Variants in SCAMP1 observed in about 807,000 individuals in gnomAD.
SCAMP1 encodes secretory carrier membrane protein 1, also known as secretory carrier-associated membrane protein 1.
A neutral mutation model predicts 41.8 loss-of-function variants in SCAMP1; 15 were observed. The ratio of observed to expected loss-of-function variants is 0.36; its 90% CI spans 0.24 to 0.55. The LOEUF is 0.55. Ranked by LOEUF, SCAMP1 falls within the 20% of genes least tolerant of loss-of-function variation. SCAMP1 has a pLI of 0.86. For synonymous variants in SCAMP1, 135 were observed against 136.8 expected (o/e 0.99, Z 0.09); for missense variants, 341 against 412.6 (o/e 0.83, Z 1.50).
intron 2 of SCAMP1, among the ~76,000 whole-genome samples, chr5:78,402,209 T>C (rs546811365): frequency 6.6e-6 from 1 of 151,198 alleles, no homozygotes; most frequent in African/African-American, 2.5e-5. Context: ...TTTTTTTTTT[T>C]AATTTGTTAA....
chr5:78,469,907 A>C (rs1753835498), intron 8 of SCAMP1, among the ~76,000 whole-genome samples: 5 of 54,256 alleles, frequency 9.2e-5, no homozygotes, highest in Admixed American at 1.5e-4. Flanking sequence ...AAAAAAAAAA[A>C]AAAAACAAAA....
At chr5:78,416,148 C>T (rs1752203763) in intron 3 of SCAMP1, among the ~76,000 whole-genome samples, 1 of 152,116 alleles carries the variant, frequency 6.6e-6, no homozygotes, top group Non-Finnish European at 1.5e-5. Flanking sequence ...ATCATTTAAT[C>T]TGATTAATAG....
At chr5:78,369,111 T>C (rs1750876811) in intron 1 of SCAMP1, among the ~76,000 whole-genome samples, 1 of 150,834 alleles carries the variant, frequency 6.6e-6, no homozygotes, top group Non-Finnish European at 1.5e-5. Context: ...ACACACAATT[T>C]TTTTTTTTTT....
chr5:78,368,396 G>C (rs1750851141), intron 1 of SCAMP1, among the ~76,000 whole-genome samples: 1 of 152,180 alleles, frequency 6.6e-6, no homozygotes, highest in Non-Finnish European at 1.5e-5. Context: ...AAAGTAAACT[G>C]TTCTTGTGCT....
chr5:78,403,005 C>T (rs1217565671), intron 2 of SCAMP1, among the ~76,000 whole-genome samples: 2 of 151,808 alleles, frequency 1.3e-5, no homozygotes, highest in Non-Finnish European at 2.9e-5. Flanking sequence ...TGAGTAGCTG[C>T]GATTACAGGC....
chr5:78,431,596 T>G lies in SCAMP1; in HGVS notation c.632+9636T>G, dbSNP rs1752625530. ...AATGACTGTCTTCTCCCCTATTTCT[T>G]CATTATTTATATCTCTTAAAACTGT... On this transcript the variant is annotated intron_variant, in intron 6 of 8. Transcript: ENST00000621999. Among the ~76,000 whole-genome samples, 4 of 150,564 alleles carry G rather than the reference T, an allele frequency of 2.7e-5. No homozygotes were observed. In the Admixed American group the frequency reaches 2.7e-4, roughly 10 times the overall value.
At position 78,462,987 on chromosome 5, in the gene SCAMP1, A is replaced by C. The variant is rs191941458; in HGVS notation, c.852+3625A>C. Among the ~76,000 whole-genome samples the C allele has an allele frequency of 4.1e-5, 6 of 147,328 alleles. No individual in the cohort carries two copies. The East Asian group carries it at 1.2e-3, about 29-fold the overall frequency. On this transcript the variant is annotated intron_variant, in intron 8 of 8. Transcript: ENST00000621999. ...TCATTACTTGAGACTATGTATGAGGAATGCATAGAAATAATTTTACCTTAT... is the reference window on the plus strand; with the variant it reads ...TCATTACTTGAGACTATGTATGAGGCATGCATAGAAATAATTTTACCTTAT...
intron 1 of SCAMP1, among the ~76,000 whole-genome samples, chr5:78,380,382 A>G (rs1428831240): frequency 6.6e-6 from 1 of 152,172 alleles, no homozygotes; most frequent in Non-Finnish European, 1.5e-5. Context: ...TGCCCTCCAT[A>G]AAGGTTGTAA....
At chr5:78,461,290 A>G (rs1486689639) in intron 8 of SCAMP1, among the ~76,000 whole-genome samples, 4 of 152,180 alleles carry the variant, frequency 2.6e-5, no homozygotes, top group Non-Finnish European at 5.9e-5. Context: ...ATTTTCTTCT[A>G]GGATTTTTGT....
intron 7 of SCAMP1, among the ~76,000 whole-genome samples, chr5:78,450,976 A>C (rs1753210760): frequency 6.6e-6 from 1 of 152,194 alleles, no homozygotes; most frequent in African/African-American, 2.4e-5. Context: ...TATTATTTTA[A>C]ATAGTGTCTA....
chr5:78,371,279 T>G (rs1463963858), intron 1 of SCAMP1, among the ~76,000 whole-genome samples: 2 of 152,100 alleles, frequency 1.3e-5, no homozygotes, highest in Non-Finnish European at 2.9e-5. Context: ...CTTCAAAGAG[T>G]TTTATAGTTT....
At chr5:78,396,253 G>A (rs1197240089) in intron 2 of SCAMP1, among the ~76,000 whole-genome samples, 1 of 152,096 alleles carries the variant, frequency 6.6e-6, no homozygotes, top group Admixed American at 6.5e-5. Context: ...TGTGGATTTG[G>A]GTGATGATGA....
At chr5:78,437,654 G>A (rs1752794786) in intron 6 of SCAMP1, among the ~76,000 whole-genome samples, 1 of 152,158 alleles carries the variant, frequency 6.6e-6, no homozygotes, top group Admixed American at 6.5e-5. Flanking sequence ...TGTTCATCAG[G>A]GATATTGGTC....
At chr5:78,459,194 TA>T in intron 7 of SCAMP1, 50 bp from the exon 8 acceptor site, 1 of 848,860 alleles carries the variant, frequency 1.2e-6, no homozygotes, top group East Asian at 2.6e-5. Context: ...ATGCTATTTT[TA>T]AAAAGTTTAC....
chr5:78,456,273 C>G (rs1295762980), intron 7 of SCAMP1, among the ~76,000 whole-genome samples: 1 of 149,198 alleles, frequency 6.7e-6, no homozygotes. Flanking sequence ...CAGTTTCTTC[C>G]TAGTCTCGAT....
intron 6 of SCAMP1, 130 bp from the exon 7 acceptor site, chr5:78,449,803 T>A (rs144639890): frequency 3.6e-6 from 2 of 557,788 alleles, no homozygotes; most frequent in African/African-American, 3.9e-5. Flanking sequence ...CCACTTTTTT[T>A]TGTTTGTGCT....
intron 2 of SCAMP1, among the ~76,000 whole-genome samples, chr5:78,389,386 A>G (rs1351199168): frequency 1.3e-5 from 2 of 152,144 alleles, no homozygotes; most frequent in African/African-American, 4.8e-5. Flanking sequence ...AACTTTACCC[A>G]GACTAGGAAA....
intron 1 of SCAMP1, among the ~76,000 whole-genome samples, chr5:78,374,932 A>C (rs778083826): frequency 6.6e-6 from 1 of 152,086 alleles, no homozygotes. Flanking sequence ...CGCTAAATAC[A>C]CTTGTCTTAG....
chr5:78,409,953 GCTGCTTATTACAC>G (rs1752029357), intron 2 of SCAMP1, among the ~76,000 whole-genome samples: 1 of 151,982 alleles, frequency 6.6e-6, no homozygotes, highest in Non-Finnish European at 1.5e-5. Flanking sequence ...TTTTATTGTT[GCTGCTTATTACAC>G]CAAGAAGACA....
Sources: allele counts gnomAD v4.1 joint callset (sites outside exome capture counted in the v4.1 genomes callset), GRCh38; gene constraint gnomAD v4.1.1; transcripts MANE v1.5; gene names NCBI Gene and HGNC (gene_info 2026-07-23, HGNC 2026-07-21).